BBS2: variants seen among roughly 807,000 people sequenced by gnomAD.
BBS2 encodes the protein Bardet-Biedl syndrome 2.
A neutral mutation model predicts 83.0 loss-of-function variants in BBS2; 62 were observed. That is an observed-to-expected ratio of 0.75 (90% CI 0.61 to 0.92). The LOEUF (loss-of-function observed/expected upper bound fraction) is 0.92, where lower values mean the gene tolerates loss of function less well. BBS2 is among the 40% of genes least tolerant of loss of function. The pLI, the probability that BBS2 is intolerant of heterozygous loss-of-function variation, is 0.00. For missense variants in BBS2, 784 were observed against 901.0 expected (o/e 0.87, Z 1.66); for synonymous variants, 303 against 326.1 (o/e 0.93, Z 0.76).
chr16:56,488,584 A>C (rs1316930237), intron 15 of BBS2, among the ~76,000 whole-genome samples: 1 of 152,150 alleles, frequency 6.6e-6, no homozygotes, highest in Non-Finnish European at 1.5e-5. Context: ...AACCTTCAGG[A>C]AACTCTGTGT....
intron 5 of BBS2, among the ~76,000 whole-genome samples, chr16:56,508,808 G>A (rs1964499396): frequency 6.6e-6 from 1 of 151,842 alleles, no homozygotes; most frequent in Non-Finnish European, 1.5e-5. Context: ...ATCACCTTCT[G>A]GCTAATTTTT....
At chr16:56,477,617 T>G (rs140325180) in intron 17 of BBS2, 17 of 152,326 alleles carry the variant, frequency 1.1e-4, no homozygotes, top group Admixed American at 7.8e-4. Context: ...CTTGTTAATT[T>G]TTTTCTTGAA....
intron 2 of BBS2, among the ~76,000 whole-genome samples, chr16:56,514,068 A>C (rs1038568942): frequency 2.0e-5 from 3 of 152,206 alleles, no homozygotes; most frequent in Non-Finnish European, 2.9e-5. Flanking sequence ...TGGGTATTAA[A>C]GTTGCAGCAG....
intron 7 of BBS2, among the ~76,000 whole-genome samples, chr16:56,504,978 C>T (rs1964384038): frequency 1.3e-5 from 2 of 152,214 alleles, no homozygotes; most frequent in African/African-American, 2.4e-5. Flanking sequence ...CCCTTCCACC[C>T]TGTAAGGCTC....
At chr16:56,474,857 C>T (rs1963383088) in intron 17 of BBS2, 8 of 1,612,454 alleles carry the variant, frequency 5.0e-6, no homozygotes, top group Non-Finnish European at 5.9e-6. Flanking sequence ...CCAAGGGGAA[C>T]TGAGGCATTG....
chr16:56,491,373 T>C (rs184214836), intron 15 of BBS2, among the ~76,000 whole-genome samples: 229 of 152,280 alleles, frequency 1.5e-3, no homozygotes, highest in African/African-American at 5.3e-3. Context: ...CAGGTTGTTA[T>C]AAAGTTAGGG....
intron 7 of BBS2, among the ~76,000 whole-genome samples, chr16:56,503,268 T>C (rs1275425249): frequency 6.6e-6 from 1 of 152,216 alleles, no homozygotes; most frequent in Non-Finnish European, 1.5e-5. Flanking sequence ...AACAGTACTA[T>C]ATCCCATTGG....
intron 1 of BBS2, 32 bp downstream of exon 1, chr16:56,519,714 G>T: frequency 6.4e-7 from 1 of 1,560,000 alleles, no homozygotes. Context: ...GGTTCCCTGG[G>T]GCCCGGGCTC....
chr16:56,475,925 G>C (rs1963448833), intron 17 of BBS2: 1 of 882,206 alleles, frequency 1.1e-6, no homozygotes. Context: ...TTCATTCAGA[G>C]GACCCCTCTA....
At position 56,514,582 on chromosome 16, in the gene BBS2, G is replaced by C. The variant is rs375853147; in HGVS notation, c.216C>G (p.Asn72Lys). Residue 72 changes from asparagine (N) to lysine (K), a missense_variant, in exon 2 of 17, where the codon AAC becomes AAG. Coordinates refer to ENST00000245157, the MANE Select transcript of BBS2 (RefSeq NM_031885.5). Reference sequence around the variant, plus strand: ...CTGCAGTCAGACAGCTGACTGCCTGGTTAATGCTGAGAAGAGAAACATCAG... The same window carrying C: ...CTGCAGTCAGACAGCTGACTGCCTGCTTAATGCTGAGAAGAGAAACATCAG... The part of the protein sequence containing the change: ...LESDVSLLSI[N>K]QAVSCLTAGV... The C allele has an allele frequency of 6.2e-7, 1 of 1,613,976 alleles. No individual in the cohort carries two copies. The highest frequency in any genetic ancestry group is 1.3e-5 in the African/African-American group (1 of 74,918).
chr16:56,491,354 T>C (rs1490682534), intron 15 of BBS2, among the ~76,000 whole-genome samples: 2 of 152,158 alleles, frequency 1.3e-5, no homozygotes, highest in Non-Finnish European at 1.5e-5. Context: ...AATGAAGTTA[T>C]CAAAAGAGCA....
chr16:56,519,898 G>T lies in BBS2; in HGVS notation c.-36C>A. Reference sequence around the variant, plus strand: ...GCTTAGGGGAGGAGGGCTGGAAGCTGGAGACAAGCGCAGCGGAGCTGGCCT... The same window carrying T: ...GCTTAGGGGAGGAGGGCTGGAAGCTTGAGACAAGCGCAGCGGAGCTGGCCT... On this transcript the variant is annotated 5_prime_UTR_variant, in exon 1 of 17. Transcript: ENST00000245157. 1 of 1,560,188 alleles carries T rather than the reference G, an allele frequency of 6.4e-7. No homozygotes were observed. Among genetic ancestry groups the T allele is most frequent in the Non-Finnish European group, 8.8e-7 (1 of 1,131,562 alleles).
rs148717146 is a variant in BBS2, at chr16:56,488,043, G to A, written c.1911-2305C>T. On this transcript the variant is annotated intron_variant, in intron 15 of 16. Transcript: ENST00000245157. ...TGAACGTATTTAATGCCACTGAACC[G>A]TACACTAAAAGTAGTATACAGTAGT... 1.3e-3 allele frequency among the ~76,000 whole-genome samples: 197 copies of A among 152,254 alleles called. 1 individual carries two copies. The highest frequency in any genetic ancestry group is 4.3e-3 in the African/African-American group (180 of 41,546).
At chr16:56,511,057 C>T in intron 3 of BBS2, 102 bp downstream of exon 3, 1 of 1,578,226 alleles carries the variant, frequency 6.3e-7, no homozygotes, top group Non-Finnish European at 8.7e-7. Context: ...TTTTAATGCA[C>T]AGAATTATAA....
In BBS2 at chr16:56,484,885, T is replaced by A. The variant is rs773836403; in HGVS notation, c.2060-18A>T. 1.3e-6 allele frequency: 2 copies of A among 1,582,820 alleles called. No individual in the cohort carries two copies. Among genetic ancestry groups the A allele is most frequent in the East Asian group, 4.5e-5 (2 of 44,682 alleles). ...TTTTCCAACTGCATAAGAAGAAACA[T>A]CAGGAACCAAAAGATTGTTAGACAT... On this transcript the variant is annotated intron_variant, in intron 16 of 16. Transcript: ENST00000245157.
chr16:56,494,352 G>T (rs1468484730), intron 15 of BBS2, among the ~76,000 whole-genome samples: 1 of 151,606 alleles, frequency 6.6e-6, no homozygotes, highest in Non-Finnish European at 1.5e-5. Context: ...ATGGTAAATA[G>T]TATGAACTCA....
chr16:56,497,878 G>T lies in BBS2; in HGVS notation c.1662C>A (p.Ile554=). 6.2e-7 allele frequency: 1 copy of T among 1,609,346 alleles called. No individual in the cohort carries two copies. The highest frequency in any genetic ancestry group is 8.5e-7 in the Non-Finnish European group (1 of 1,179,738). ...LHIKIKLSGE[I]TINTDDIDLA... is the part of the protein sequence containing the mutation. ...AATCAATATCATCAGTATTTATAGT[G>T]ATCTACCCAGAGAAAAAATAGACAA... The change falls in exon 14 of 17, where the codon ATC becomes ATA. Residue 554 remains isoleucine (I), a splice_region_variant and synonymous_variant. Transcript: ENST00000245157.
chr16:56,473,492 T>G (rs1963299907), intron 17 of BBS2, among the ~76,000 whole-genome samples: 1 of 152,192 alleles, frequency 6.6e-6, no homozygotes, highest in Non-Finnish European at 1.5e-5. Context: ...CATCAAAGAC[T>G]GCTCAAAATT....
Position 56,484,908 on chromosome 16 carries a change from CA to C in BBS2, c.2060-42del, listed in dbSNP as rs781014461. ...CATCAGGAACCAAAAGATTGTTAGACATGAAATTATAAAATTAGACGTCAGT... is the reference window on the plus strand; with the variant it reads ...CATCAGGAACCAAAAGATTGTTAGACTGAAATTATAAAATTAGACGTCAGT... On this transcript the variant is annotated intron_variant, in intron 16 of 16. Transcript: ENST00000245157. The C allele has an allele frequency of 6.1e-6, 9 of 1,475,780 alleles. No homozygotes were observed. In the Admixed American group the frequency reaches 8.4e-5, roughly 14 times the overall value. The allele number at this position is 1,475,780 out of a possible 1,614,324, so 91.4% of individuals were successfully genotyped here.
Sources: gnomAD v4.1 joint callset for allele counts (sites outside exome capture counted in the v4.1 genomes callset) on GRCh38, gnomAD v4.1.1 for gene constraint, MANE v1.5 for transcripts, NCBI Gene and HGNC (gene_info 2026-07-23, HGNC 2026-07-21) for gene names.